The following CPS1 variants were observed in gnomAD, a reference collection of about 807,000 sequenced individuals.
CPS1 encodes the protein carbamoyl-phosphate synthase [ammonia], mitochondrial.
In CPS1, 109 loss-of-function variants were observed where a neutral mutation model predicts 174.6. The ratio of observed to expected loss-of-function variants is 0.62; its 90% CI spans 0.53 to 0.73. The LOEUF (loss-of-function observed/expected upper bound fraction) is 0.73. Among genes scored for constraint, CPS1 ranks in the 30% least tolerant of loss-of-function variants. CPS1 has a pLI of 0.00. For missense variants in CPS1, 1,689 were observed against 1,821.9 expected (o/e 0.93, Z 1.33); for synonymous variants, 637 against 632.0 (o/e 1.01, Z -0.12).
Position 210,642,318 on chromosome 2 carries a change from A to G in CPS1, c.2960-166A>G, listed in dbSNP as rs114814055. Among the ~76,000 whole-genome samples, 3,025 of 152,338 alleles carry G rather than the reference A, an allele frequency of 0.02. 55 individuals are homozygous for G. The highest frequency in any genetic ancestry group is 0.043 in the Admixed American group (650 of 15,294). ...AGTACCCATTTTTCCTACTACTAAT[A>G]CAGTATGCATCATGGGTTTGAAATT... On this transcript the variant is annotated intron_variant, in intron 24 of 37. Coordinates refer to ENST00000233072, the MANE Select transcript of CPS1 (RefSeq NM_001875.5).
rs374857825 is a variant in CPS1, at chr2:210,599,494, G to T, written c.1482G>T (p.Glu494Asp). Residue 494 changes from glutamate (E) to aspartate (D), a missense_variant, in exon 14 of 38, where the codon GAG (glutamate) becomes GAT (aspartate). Coordinates refer to ENST00000233072, the MANE Select transcript of CPS1 (RefSeq NM_001875.5). ...CCATCACCCCTCAGTTTGTCACAGA[G>T]GTCATCAAGGCAGAACAGCCAGATG... ...FLPITPQFVTEVIKAEQPDGL... is the reference protein window; with the variant it reads ...FLPITPQFVTDVIKAEQPDGL... The T allele has an allele frequency of 6.2e-7, 1 of 1,612,586 alleles. No homozygotes were observed. The highest frequency in any genetic ancestry group is 1.7e-5 in the Admixed American group (1 of 59,822).
intron 1 of CPS1, among the ~76,000 whole-genome samples, chr2:210,542,371 T>A (rs937235006): frequency 2.6e-5 from 4 of 152,130 alleles, no homozygotes; most frequent in East Asian, 1.9e-4. Context: ...TTCACAGATA[T>A]TAGTTTAAAC....
In CPS1 at chr2:210,576,352, A is replaced by C; in HGVS notation, c.243A>C (p.Pro81=). The C allele has an allele frequency of 6.2e-7, 1 of 1,613,668 alleles. No individual in the cohort carries two copies. Residue 81 remains proline, a synonymous_variant, in exon 3 of 38, where the codon CCA becomes CCC. Coordinates refer to ENST00000233072, the MANE Select transcript of CPS1 (RefSeq NM_001875.5). ...TTTTGGCATGTTTACCCAGGTACCCAGAAGCTATTACTGACCCTGCCTACA... is the reference window on the plus strand; with the variant it reads ...TTTTGGCATGTTTACCCAGGTACCCCGAAGCTATTACTGACCCTGCCTACA... ...VVFNTGLGGY[P]EAITDPAYKG...
intron 1 of CPS1, among the ~76,000 whole-genome samples, chr2:210,546,799 G>T: frequency 6.6e-6 from 1 of 152,026 alleles, no homozygotes; most frequent in East Asian, 1.9e-4. Context: ...GTTCAGTTAC[G>T]TATTTTATTG....
At chr2:210,581,524 G>A (rs984189461) in intron 5 of CPS1, among the ~76,000 whole-genome samples, 2 of 152,088 alleles carry the variant, frequency 1.3e-5, no homozygotes, top group African/African-American at 4.8e-5. Context: ...TTTAAGAAAA[G>A]GGGAAGGAGA....
At chr2:210,664,357 C>T (rs143979614) in intron 33 of CPS1, among the ~76,000 whole-genome samples, 17 of 150,594 alleles carry the variant, frequency 1.1e-4, no homozygotes, top group Admixed American at 4.0e-4. Context: ...TTTTTTGAAA[C>T]GGAGTTTTGC....
At chr2:210,540,543 AT>A (rs1327005850) in intron 1 of CPS1, among the ~76,000 whole-genome samples, 1 of 152,204 alleles carries the variant, frequency 6.6e-6, no homozygotes, top group Non-Finnish European at 1.5e-5. Context: ...GACTAGACCA[AT>A]TTATACTCTT....
intron 1 of CPS1, among the ~76,000 whole-genome samples, chr2:210,493,125 A>G (rs1480504264): frequency 6.6e-6 from 1 of 152,180 alleles, no homozygotes; most frequent in Non-Finnish European, 1.5e-5. Flanking sequence ...TAAATGATGG[A>G]ATTTTGCTTT....
At chr2:210,599,069 T>C (rs1173933558) in intron 13 of CPS1, among the ~76,000 whole-genome samples, 2 of 151,930 alleles carry the variant, frequency 1.3e-5, no homozygotes, top group African/African-American at 2.4e-5. Flanking sequence ...TCAGTAATAT[T>C]TGTGGCTCTC....
chr2:210,588,825 CAA>C (rs1170662778), intron 7 of CPS1, among the ~76,000 whole-genome samples: 2 of 152,032 alleles, frequency 1.3e-5, no homozygotes, highest in African/African-American at 4.8e-5. Context: ...AGAATACCAG[CAA>C]TATTCAAATC....
intron 19 of CPS1, among the ~76,000 whole-genome samples, chr2:210,610,669 G>A (rs561156315): frequency 1.1e-3 from 160 of 151,916 alleles, no homozygotes; most frequent in Non-Finnish European, 1.8e-3. Context: ...GTGGGAGGAC[G>A]ACTTGAGCCC....
intron 1 of CPS1, among the ~76,000 whole-genome samples, chr2:210,549,857 A>G (rs187222449): frequency 6.2e-4 from 95 of 152,168 alleles, no homozygotes; most frequent in African/African-American, 2.2e-3. Flanking sequence ...TACTCAGTAC[A>G]TAATTCCTGA....
At chr2:210,585,164 A>C (rs1195766902) in intron 6 of CPS1, among the ~76,000 whole-genome samples, 1 of 151,974 alleles carries the variant, frequency 6.6e-6, no homozygotes, top group Non-Finnish European at 1.5e-5. Context: ...TGGTTTACTT[A>C]TTTGAATCCC....
rs180703633 is a variant in CPS1 at position 210,580,616 on chromosome 2, C to T, written c.528+846C>T. Among the ~76,000 whole-genome samples, 132 of 152,082 alleles carry T rather than the reference C, an allele frequency of 8.7e-4. No individual in the cohort carries two copies. In the East Asian group the frequency reaches 0.022, roughly 26 times the overall value. Reference sequence around the variant, plus strand: ...GTGGGTCATGCCTGTAATCCCAGCACTTTGGGAGGCTGAGGCAAACGGATC... The same window carrying T: ...GTGGGTCATGCCTGTAATCCCAGCATTTTGGGAGGCTGAGGCAAACGGATC... On this transcript the variant is annotated intron_variant, in intron 5 of 37. Transcript: ENST00000233072.
rs121912595 is a variant in CPS1 at position 210,640,045 on chromosome 2, G to A, written c.2945G>A (p.Gly982Asp). The A allele has an allele frequency of 6.2e-7, 1 of 1,605,666 alleles. No individual in the cohort carries two copies. Among genetic ancestry groups the A allele is most frequent in the East Asian group, 2.2e-5 (1 of 44,758 alleles). The change falls in exon 24 of 38, where the codon GGT (glycine) becomes GAT (aspartate). Residue 982 changes from glycine to aspartate, a missense_variant. Gly to Asp is a moderately conservative substitution (Grantham distance 94). Coordinates refer to ENST00000233072, the MANE Select transcript of CPS1 (RefSeq NM_001875.5). ...DDHGMMVLGC[G>D]PYHIGSSVEF... The stretch of plus-strand genomic sequence containing the variant: ...CATGGAATGATGGTGCTAGGCTGTG[G>A]TCCATATCACATTGGTAAAATAATA...
intron 21 of CPS1, among the ~76,000 whole-genome samples, chr2:210,623,426 GT>G (rs59083580): frequency 4.3e-4 from 64 of 149,750 alleles, no homozygotes; most frequent in African/African-American, 1.5e-3. Flanking sequence ...GTTTCATGTG[GT>G]TTTTTTTTGC....
At chr2:210,592,801 TG>T in intron 10 of CPS1, 77 bp from the exon 11 acceptor site, 1 of 1,385,882 alleles carries the variant, frequency 7.2e-7, no homozygotes, top group Non-Finnish European at 1.0e-6. Flanking sequence ...TGAGCTTTAT[TG>T]TTCCCTGAAT....
At chr2:210,550,005 A>G (rs1327381215) in intron 1 of CPS1, among the ~76,000 whole-genome samples, 1 of 152,084 alleles carries the variant, frequency 6.6e-6, no homozygotes, top group Non-Finnish European at 1.5e-5. Flanking sequence ...CATATAAGAC[A>G]TTCTTTGCTA....
chr2:210,631,869 C>T (rs1258584476), intron 21 of CPS1, among the ~76,000 whole-genome samples: 4 of 152,100 alleles, frequency 2.6e-5, no homozygotes, highest in Non-Finnish European at 5.9e-5. Flanking sequence ...AATACTAGTA[C>T]ATACAAATAT....
Sources: allele counts gnomAD v4.1 joint callset (sites outside exome capture counted in the v4.1 genomes callset), GRCh38; gene constraint gnomAD v4.1.1; transcripts MANE v1.5; gene names NCBI Gene and HGNC (gene_info 2026-07-23, HGNC 2026-07-21).